The following HPSE2 variants were observed in gnomAD, a reference collection of about 807,000 sequenced individuals.
The protein encoded by HPSE2 is heparanase 2 (inactive), also known as inactive heparanase-2.
In HPSE2, 38 loss-of-function variants were observed where a neutral mutation model predicts 60.5. The ratio of observed to expected loss-of-function variants is 0.63; its 90% CI spans 0.48 to 0.82. HPSE2 has a LOEUF of 0.82. HPSE2 is among the 40% of genes least tolerant of loss of function. The probability of loss-of-function intolerance (pLI) is 0.00; values close to 1 mark genes in which losing one functional copy is unlikely to be tolerated. For synonymous variants in HPSE2, 295 were observed against 293.2 expected (o/e 1.01, Z -0.06); for missense variants, 713 against 740.4 (o/e 0.96, Z 0.43).
At chr10:98,849,443 A>G (rs1045960278) in intron 3 of HPSE2, among the ~76,000 whole-genome samples, 5 of 152,234 alleles carry the variant, frequency 3.3e-5, no homozygotes, top group African/African-American at 7.2e-5. Context: ...AGAGTAAGCT[A>G]AGATTGGAAA....
Position 99,001,955 on chromosome 10 carries a change from G to A in HPSE2, c.610+142283C>T, listed in dbSNP as rs75863063. Among the ~76,000 whole-genome samples the A allele has an allele frequency of 2.9e-3, 439 of 152,062 alleles. 3 individuals are homozygous for A. Among genetic ancestry groups the A allele is most frequent in the African/African-American group, 0.01 (418 of 41,508 alleles). On this transcript the variant is annotated intron_variant, in intron 3 of 11. Transcript: ENST00000370552. Reference sequence around the variant, plus strand: ...GTCTCTGTTGCAGTGAATTAACTCTGCCACTGTAGTGCAAAAGTAGCCATA... The same window carrying A: ...GTCTCTGTTGCAGTGAATTAACTCTACCACTGTAGTGCAAAAGTAGCCATA...
chr10:98,497,608 C>T (rs905868475), intron 9 of HPSE2, among the ~76,000 whole-genome samples: 8 of 151,982 alleles, frequency 5.3e-5, no homozygotes, highest in African/African-American at 1.9e-4. Flanking sequence ...TTATTTAAAG[C>T]ATTTTTGAAA....
At chr10:98,701,023 C>T (rs1274839306) in intron 5 of HPSE2, among the ~76,000 whole-genome samples, 1 of 64,870 alleles carries the variant, frequency 1.5e-5, no homozygotes, top group African/African-American at 3.4e-5. Flanking sequence ...GAAATAGGAA[C>T]ACTTTTACAC....
intron 3 of HPSE2, among the ~76,000 whole-genome samples, chr10:99,105,643 T>G (rs1482532943): frequency 6.6e-6 from 1 of 152,046 alleles, no homozygotes; most frequent in Admixed American, 6.6e-5. Flanking sequence ...AGGTTAAATT[T>G]ATCATTTTTC....
chr10:98,524,444 ACTTTTTTTGAATG>A (rs67182757), intron 9 of HPSE2, among the ~76,000 whole-genome samples: 70,560 of 151,920 alleles, frequency 0.46, 19,336 homozygotes, highest in South Asian at 0.64. Flanking sequence ...TCACCCCAGA[ACTTTTTTTGAATG>A]CAGGAAGAAG....
chr10:98,943,523 A>T (rs1198070997), intron 3 of HPSE2, among the ~76,000 whole-genome samples: 1 of 152,060 alleles, frequency 6.6e-6, no homozygotes, highest in Non-Finnish European at 1.5e-5. Flanking sequence ...TACCCCCCAC[A>T]TCATACTAGG....
At chr10:98,521,273 A>T (rs972932582) in intron 9 of HPSE2, among the ~76,000 whole-genome samples, 5 of 152,188 alleles carry the variant, frequency 3.3e-5, no homozygotes, top group African/African-American at 1.2e-4. Flanking sequence ...GAATCTACAA[A>T]GAACTCAAAC....
At chr10:98,684,003 G>A (rs1565076442) in intron 6 of HPSE2, among the ~76,000 whole-genome samples, 1 of 152,042 alleles carries the variant, frequency 6.6e-6, no homozygotes, top group Admixed American at 6.6e-5. Context: ...TGGAACAAAA[G>A]GATCAAAATC....
intron 3 of HPSE2, among the ~76,000 whole-genome samples, chr10:99,070,325 AAAG>A (rs1219465270): frequency 2.0e-5 from 3 of 152,236 alleles, no homozygotes; most frequent in Non-Finnish European, 2.9e-5. Flanking sequence ...ACACTTCTGC[AAAG>A]AAGATATACT....
At chr10:99,311,110 T>C in the HPSE2 span, among the ~76,000 whole-genome samples, 1 of 152,204 alleles carries the variant, frequency 6.6e-6, no homozygotes. Flanking sequence ...AAACTTAATA[T>C]TTTAACTTTT....
chr10:98,576,417 G>A (rs572113195), intron 9 of HPSE2, among the ~76,000 whole-genome samples: 1 of 151,884 alleles, frequency 6.6e-6, no homozygotes, highest in South Asian at 2.1e-4. Flanking sequence ...AGAAAATGTT[G>A]AACTCATCTG....
chr10:98,675,953 G>C (rs1303467974), intron 6 of HPSE2, among the ~76,000 whole-genome samples: 3 of 151,794 alleles, frequency 2.0e-5, no homozygotes, highest in Non-Finnish European at 4.4e-5. Context: ...TGAGGGGGGA[G>C]GTTTGCTTGA....
At chr10:99,288,516 G>A in the HPSE2 span, among the ~76,000 whole-genome samples, 3 of 151,952 alleles carry the variant, frequency 2.0e-5, no homozygotes, top group African/African-American at 7.3e-5. Context: ...GCTAAAATAA[G>A]ACATATAACT....
chr10:99,308,525 T>C, the HPSE2 span, among the ~76,000 whole-genome samples: 1 of 152,012 alleles, frequency 6.6e-6, no homozygotes, highest in African/African-American at 2.4e-5. Flanking sequence ...TTGAAAACAT[T>C]ATACGAAATT....
At chr10:98,865,860 G>A (rs1444656255) in intron 3 of HPSE2, among the ~76,000 whole-genome samples, 1 of 152,068 alleles carries the variant, frequency 6.6e-6, no homozygotes, top group Non-Finnish European at 1.5e-5. Context: ...GCTCTAGACT[G>A]AACATTGCTC....
chr10:98,540,619 A>C (rs2133822116), intron 9 of HPSE2, among the ~76,000 whole-genome samples: 1 of 152,378 alleles, frequency 6.6e-6, no homozygotes, highest in South Asian at 2.1e-4. Flanking sequence ...TGGGGTAATA[A>C]GTCAAAGATA....
intron 3 of HPSE2, among the ~76,000 whole-genome samples, chr10:98,979,109 C>G (rs1230642264): frequency 6.6e-6 from 1 of 152,132 alleles, no homozygotes; most frequent in Non-Finnish European, 1.5e-5. Context: ...CCAAGTGTTT[C>G]TAAGTGCAAG....
the HPSE2 span, among the ~76,000 whole-genome samples, chr10:99,242,102 A>G: frequency 6.6e-6 from 1 of 152,232 alleles, no homozygotes; most frequent in South Asian, 2.1e-4. Flanking sequence ...AGGACAGTAC[A>G]AGAGAACCCT....
At chr10:98,624,620 T>C (rs557660864) in intron 7 of HPSE2, among the ~76,000 whole-genome samples, 1 of 152,360 alleles carries the variant, frequency 6.6e-6, no homozygotes, top group East Asian at 1.9e-4. Flanking sequence ...AACTGTATCA[T>C]GATACAGTTA....
Sources: gnomAD v4.1 joint callset for allele counts (sites outside exome capture counted in the v4.1 genomes callset) on GRCh38, gnomAD v4.1.1 for gene constraint, MANE v1.5 for transcripts, NCBI Gene and HGNC (gene_info 2026-07-23, HGNC 2026-07-21) for gene names.